Variants in ADAMTSL1 observed in about 807,000 individuals in gnomAD.
The protein encoded by ADAMTSL1 is ADAMTS like 1.
ADAMTSL1 carries 126 observed loss-of-function variants against 201.8 expected under a neutral mutation model. That is an observed-to-expected ratio of 0.62 (90% CI 0.54 to 0.72). The LOEUF is 0.72. ADAMTSL1 is among the 30% of genes least tolerant of loss of function. The pLI is 0.00. For missense variants in ADAMTSL1, 2,679 were observed against 2,277.8 expected, an observed-to-expected ratio of 1.18 and a Z score of -3.59; for synonymous variants, 1,121 against 903.4, an observed-to-expected ratio of 1.24 and a Z score of -4.32.
chr9:18,255,796 C>T (rs1831659768), intron 2 of ADAMTSL1, among the ~76,000 whole-genome samples: 1 of 152,216 alleles, frequency 6.6e-6, no homozygotes, highest in African/African-American at 2.4e-5. Context: ...CTCTCTGCCT[C>T]TTTCCCTGGT....
At chr9:18,893,486 G>C (rs1040481159) in intron 26 of ADAMTSL1, among the ~76,000 whole-genome samples, 3 of 152,096 alleles carry the variant, frequency 2.0e-5, no homozygotes, top group South Asian at 2.1e-4. Context: ...AGGCCAGTAC[G>C]TGTCGAGCTT....
rs1464609839 is a variant in ADAMTSL1 at position 18,200,722 on chromosome 9, A to G, written c.207+36741A>G. Among the ~76,000 whole-genome samples, 4 of 152,066 alleles carry G rather than the reference A, an allele frequency of 2.6e-5. No individual in the cohort carries two copies. The East Asian group carries it at 7.7e-4, about 29-fold the overall frequency. On this transcript the variant is annotated intron_variant, in intron 2 of 29. Coordinates refer to the ADAMTSL1 transcript ENST00000680146. ...ATTCAGAGCACTTTCCAAATGAGTT[A>G]TGTTTAAGCTGAAAATTAATAAGTT...
intron 2 of ADAMTSL1, among the ~76,000 whole-genome samples, chr9:18,327,304 C>G (rs1563889393): frequency 6.6e-6 from 1 of 152,218 alleles, no homozygotes; most frequent in Non-Finnish European, 1.5e-5. Flanking sequence ...TTATGCTACT[C>G]TTGACCTAAA....
At chr9:18,104,644 A>G (rs181429445) in intron 1 of ADAMTSL1, among the ~76,000 whole-genome samples, 1 of 152,234 alleles carries the variant, frequency 6.6e-6, no homozygotes, top group Admixed American at 6.5e-5. Flanking sequence ...GGTTCAATAT[A>G]CACTCTTCAG....
intron 1 of ADAMTSL1, among the ~76,000 whole-genome samples, chr9:17,925,575 AATC>A (rs896372631): frequency 8.4e-6 from 1 of 119,130 alleles, no homozygotes; most frequent in Non-Finnish European, 1.8e-5. Flanking sequence ...TGACATTGGA[AATC>A]ATCATTCTCA....
intron 1 of ADAMTSL1, among the ~76,000 whole-genome samples, chr9:18,058,131 G>C (rs1468049115): frequency 6.6e-6 from 1 of 152,226 alleles, no homozygotes; most frequent in Non-Finnish European, 1.5e-5. Flanking sequence ...ATGGTTGAAA[G>C]ATTAAATGAA....
chr9:18,238,369 G>T (rs1400961128), intron 2 of ADAMTSL1, among the ~76,000 whole-genome samples: 1 of 152,172 alleles, frequency 6.6e-6, no homozygotes, highest in Non-Finnish European at 1.5e-5. Context: ...TTGGGAGGAG[G>T]AGGAGGAAAT....
intron 2 of ADAMTSL1, among the ~76,000 whole-genome samples, chr9:18,453,687 C>T (rs758941083): frequency 6.6e-6 from 1 of 152,136 alleles, no homozygotes; most frequent in African/African-American, 2.4e-5. Context: ...CTCTTAAATT[C>T]CACCTTCCCC....
intron 9 of ADAMTSL1, among the ~76,000 whole-genome samples, chr9:18,662,901 A>T (rs1465599509): frequency 6.6e-6 from 1 of 152,214 alleles, no homozygotes; most frequent in Admixed American, 6.5e-5. Flanking sequence ...ATGAGAGAGA[A>T]TATAAGAAAA....
At chr9:18,697,305 T>G (rs1477427117) in intron 13 of ADAMTSL1, among the ~76,000 whole-genome samples, 1 of 152,190 alleles carries the variant, frequency 6.6e-6, no homozygotes, top group Non-Finnish European at 1.5e-5. Context: ...TGCAGTGCCA[T>G]GAACAGAAAA....
intron 27 of ADAMTSL1, among the ~76,000 whole-genome samples, chr9:18,906,185 T>C (rs537456474): frequency 1.3e-5 from 2 of 152,028 alleles, no homozygotes; most frequent in Non-Finnish European, 2.9e-5. Flanking sequence ...AGCCCCAGGG[T>C]GGTCAGGAGG....
At chr9:18,321,778 G>C (rs189760226) in intron 2 of ADAMTSL1, among the ~76,000 whole-genome samples, 38 of 152,242 alleles carry the variant, frequency 2.5e-4, no homozygotes, top group Admixed American at 2.4e-3. Context: ...GGGCAACAGA[G>C]CGAGACTCCA....
At chr9:18,787,721 T>TGG (rs1449597906) in intron 19 of ADAMTSL1, among the ~76,000 whole-genome samples, 2 of 152,164 alleles carry the variant, frequency 1.3e-5, no homozygotes, top group Non-Finnish European at 2.9e-5. Context: ...CATTATAGTG[T>TGG]GAGAGCAGCC....
intron 1 of ADAMTSL1, among the ~76,000 whole-genome samples, chr9:18,154,715 C>T (rs1015232934): frequency 4.6e-5 from 7 of 151,966 alleles, no homozygotes; most frequent in African/African-American, 1.2e-4. Context: ...ACTTGAGAGA[C>T]AAAAACAATT....
chr9:18,788,324 T>A (rs1821821849), intron 19 of ADAMTSL1, among the ~76,000 whole-genome samples: 1 of 152,228 alleles, frequency 6.6e-6, no homozygotes, highest in East Asian at 1.9e-4. Context: ...TCCAGAATAT[T>A]TTTTAGTGAT....
intron 1 of ADAMTSL1, among the ~76,000 whole-genome samples, chr9:17,943,494 G>A (rs58681603): frequency 0.011 from 1,671 of 152,126 alleles, 28 homozygotes; most frequent in African/African-American, 0.039. Flanking sequence ...TGTGGGTGGG[G>A]GTAGTGCCAA....
intron 2 of ADAMTSL1, among the ~76,000 whole-genome samples, chr9:18,171,790 T>C (rs1192540356): frequency 6.6e-6 from 1 of 152,158 alleles, no homozygotes. Flanking sequence ...CTAGGTTTTC[T>C]TCTAGGGTTT....
At chr9:18,265,796 G>A (rs1272930196) in intron 2 of ADAMTSL1, among the ~76,000 whole-genome samples, 1 of 152,100 alleles carries the variant, frequency 6.6e-6, no homozygotes, top group Non-Finnish European at 1.5e-5. Context: ...AAATGTTTAG[G>A]AAAATGAAAT....
intron 2 of ADAMTSL1, among the ~76,000 whole-genome samples, chr9:18,311,832 A>T (rs889938093): frequency 5.3e-5 from 8 of 152,188 alleles, no homozygotes; most frequent in Admixed American, 5.2e-4. Flanking sequence ...AAGGGCTGCA[A>T]TAAAGATCTC....
Sources: allele counts gnomAD v4.1 joint callset (sites outside exome capture counted in the v4.1 genomes callset), GRCh38; gene constraint gnomAD v4.1.1; transcripts MANE v1.5; gene names NCBI Gene and HGNC (gene_info 2026-07-23, HGNC 2026-07-21).